EPB42: variants seen among roughly 807,000 people sequenced by gnomAD.
EPB42 encodes erythrocyte membrane protein band 4.2.
EPB42 carries 49 observed loss-of-function variants against 76.9 expected under a neutral mutation model. That is an observed-to-expected ratio of 0.64 (90% CI 0.51 to 0.81). The LOEUF is 0.81. EPB42 is among the 30% of genes least tolerant of loss of function. The probability of loss-of-function intolerance (pLI) is 0.00; values close to 1 mark genes in which losing one functional copy is unlikely to be tolerated. For missense variants in EPB42, 731 were observed against 867.6 expected, an observed-to-expected ratio of 0.84 and a Z score of 1.98; for synonymous variants, 310 against 338.4, an observed-to-expected ratio of 0.92 and a Z score of 0.92.
intron 9 of EPB42, 94 bp downstream of exon 9, chr15:43,207,105 A>G: frequency 1.7e-5 from 27 of 1,565,552 alleles, no homozygotes; most frequent in Non-Finnish European, 2.4e-5. Flanking sequence ...CGGAAAGGAC[A>G]AGTCTCTTTC....
chr15:43,209,160 G>T, intron 6 of EPB42, 114 bp downstream of exon 6: 2 of 1,210,406 alleles, frequency 1.7e-6, no homozygotes, highest in South Asian at 1.2e-5. Context: ...GTGATGAGAT[G>T]GGGAAATGCG....
chr15:43,205,785 T>G (rs767647013), intron 10 of EPB42, among the ~76,000 whole-genome samples: 2 of 152,120 alleles, frequency 1.3e-5, no homozygotes, highest in Non-Finnish European at 2.9e-5. Context: ...CAGCAAAATT[T>G]AAAAACAATT....
In EPB42 at chr15:43,201,863, G is replaced by A. The variant is rs1347590400; in HGVS notation, c.1894C>T (p.His632Tyr). The A allele has an allele frequency of 3.1e-6, 5 of 1,614,178 alleles. No individual in the cohort carries two copies. In the South Asian group the frequency reaches 5.5e-5, roughly 18 times the overall value. The change falls in exon 12 of 13, where the codon CAC (histidine) becomes TAC (tyrosine). Residue 632 changes from histidine to tyrosine, a missense_variant. Transcript: ENST00000441366. Reference protein sequence around the residue: ...VISILGRGLIHRERSYRFRSV... With the variant: ...VISILGRGLIYRERSYRFRSV... ...ACTTACCTGTAGCTCCTCTCTCTGT[G>A]AATGAGCCCCCTTCCCAGGATGGAG...
intron 10 of EPB42, among the ~76,000 whole-genome samples, chr15:43,203,727 TA>T (rs2042161109): frequency 6.6e-6 from 1 of 152,140 alleles, no homozygotes; most frequent in South Asian, 2.1e-4. Context: ...CTCTGCTTTC[TA>T]AATCTGTGCC....
At chr15:43,208,137 C>A (rs1022997133) in intron 8 of EPB42, 93 bp downstream of exon 8, 2 of 1,097,710 alleles carry the variant, frequency 1.8e-6, no homozygotes, top group African/African-American at 1.6e-5. Context: ...AGGATGCAGA[C>A]CCCCTTGGGA....
At chr15:43,209,580 G>A in intron 5 of EPB42, 129 bp from the exon 6 acceptor site, 1 of 1,064,268 alleles carries the variant, frequency 9.4e-7, no homozygotes, top group Non-Finnish European at 1.4e-6. Context: ...GAGCCACCTG[G>A]TACTGGTTAA....
At chr15:43,218,280 C>T (rs1224883866) in intron 1 of EPB42, among the ~76,000 whole-genome samples, 3 of 152,106 alleles carry the variant, frequency 2.0e-5, no homozygotes, top group Non-Finnish European at 4.4e-5. Context: ...CTTGAGCCTC[C>T]GTGTATCCGA....
At chr15:43,217,721 G>C (rs1237111494) in intron 1 of EPB42, among the ~76,000 whole-genome samples, 1 of 152,124 alleles carries the variant, frequency 6.6e-6, no homozygotes, top group Non-Finnish European at 1.5e-5. Context: ...TATGAAATGA[G>C]GTCTAACCCA....
chr15:43,207,463 G>T, intron 8 of EPB42, 22 bp from the exon 9 acceptor site: 1 of 1,612,062 alleles, frequency 6.2e-7, no homozygotes, highest in South Asian at 1.1e-5. Context: ...AAAGGTTGGT[G>T]AGCATGGGAG....
rs777028005 is a variant in EPB42 at position 43,209,349 on chromosome 15, G to T, written c.757C>A (p.Arg253=). The change falls in exon 6 of 13, where the codon CGG becomes AGG. Residue 253 remains arginine, a synonymous_variant. Transcript: ENST00000441366. ...CGGCCTCGGCCGGTGAGCCACTGCC[G>T]CAGGATGGGCACGCTGCCCCGGCGC... ...NKRRGSVPIL[R]QWLTGRGRPV... is the part of the protein sequence containing the mutation. The T allele has an allele frequency of 6.2e-7, 1 of 1,614,014 alleles. No individual in the cohort carries two copies. Among genetic ancestry groups the T allele is most frequent in the African/African-American group, 1.3e-5 (1 of 74,954 alleles).
In EPB42 at chr15:43,208,510, C is replaced by A. The variant is rs2042241231; in HGVS notation, c.971+127G>T. 2.6e-6 allele frequency: 4 copies of A among 1,512,102 alleles called. No individual in the cohort carries two copies. In the Admixed American group the frequency reaches 6.7e-5, roughly 25 times the overall value. The allele number at this position is 1,512,102 out of a possible 1,614,324, so 93.7% of individuals were successfully genotyped here. ...CACCATCACTGACCATCAGCGCCGCCTCTAAGGGTCTTGAAAGCCTACTCT... is the reference window on the plus strand; with the variant it reads ...CACCATCACTGACCATCAGCGCCGCATCTAAGGGTCTTGAAAGCCTACTCT... On this transcript the variant is annotated intron_variant, in intron 7 of 12. Coordinates refer to ENST00000441366, the MANE Select transcript of EPB42 (RefSeq NM_001114134.2).
At chr15:43,214,032 G>C (rs1231687419) in intron 3 of EPB42, among the ~76,000 whole-genome samples, 1 of 152,224 alleles carries the variant, frequency 6.6e-6, no homozygotes, top group South Asian at 2.1e-4. Context: ...GCCTTGCCAC[G>C]GGGCCTCCTT....
At position 43,202,821 on chromosome 15, in the gene EPB42, G is replaced by T. The variant is rs150638019; in HGVS notation, c.1779+294C>A. Among the ~76,000 whole-genome samples, 662 of 152,288 alleles carry T rather than the reference G, an allele frequency of 4.3e-3. 2 individuals carry two copies. Among genetic ancestry groups the T allele is most frequent in the African/African-American group, 0.015 (631 of 41,554 alleles). ...AAATAAAGGAGCTGAAAATCCTCTG[G>T]CATGTGTATGAGGTGCTAAATAAAC... On this transcript the variant is annotated intron_variant, in intron 11 of 12. Coordinates refer to ENST00000441366, the MANE Select transcript of EPB42 (RefSeq NM_001114134.2).
chr15:43,209,576 C>T, intron 5 of EPB42, 125 bp from the exon 6 acceptor site: 1 of 1,089,634 alleles, frequency 9.2e-7, no homozygotes, highest in South Asian at 1.5e-5. Flanking sequence ...ATTAGAGCCA[C>T]CTGGTACTGG....
chr15:43,219,975 T>C (rs1283909096), intron 1 of EPB42, among the ~76,000 whole-genome samples: 9 of 150,558 alleles, frequency 6.0e-5, no homozygotes, highest in African/African-American at 2.2e-4. Flanking sequence ...AATTTATTGG[T>C]GTCTGCCCTA....
In EPB42 at chr15:43,203,133, T is replaced by C; in HGVS notation, c.1761A>G (p.Arg587=). 6.2e-7 allele frequency: 1 copy of C among 1,613,924 alleles called. No individual in the cohort carries two copies. The highest frequency in any genetic ancestry group is 8.5e-7 in the Non-Finnish European group (1 of 1,179,984). ...TGCCTACCTTGATGGCAAGGTGTGGTCTACAAATGGCAATGTCTTCCTGAG... is the reference window on the plus strand; with the variant it reads ...TGCCTACCTTGATGGCAAGGTGTGGCCTACAAATGGCAATGTCTTCCTGAG... ...CFAQEDIAIC[R]PHLAIKMPEK... The change falls in exon 11 of 13, where the codon AGA becomes AGG. Residue 587 remains arginine (R), a synonymous_variant. Coordinates refer to ENST00000441366, the MANE Select transcript of EPB42 (RefSeq NM_001114134.2).
chr15:43,211,662 A>C (rs2042298989), intron 3 of EPB42, 128 bp from the exon 4 acceptor site: 1 of 744,376 alleles, frequency 1.3e-6, no homozygotes, highest in Admixed American at 1.8e-5. Flanking sequence ...GGGCCTAATG[A>C]AGACTGAGGA....
At chr15:43,222,565 C>G (rs567064548), upstream of EPB42, among the ~76,000 whole-genome samples, 1 of 152,200 alleles carries the variant, frequency 6.6e-6, no homozygotes, top group South Asian at 2.1e-4. Context: ...AATAAAAACA[C>G]CAAGATTGTT....
intron 12 of EPB42, 43 bp downstream of exon 12, chr15:43,201,801 C>T: frequency 6.2e-7 from 1 of 1,614,002 alleles, no homozygotes; most frequent in South Asian, 1.1e-5. Context: ...CTTTCTGACC[C>T]ATTGAGACAT....
Sources: allele counts gnomAD v4.1 joint callset (sites outside exome capture counted in the v4.1 genomes callset), GRCh38; gene constraint gnomAD v4.1.1; transcripts MANE v1.5; gene names NCBI Gene and HGNC (gene_info 2026-07-23, HGNC 2026-07-21).